GOLPH3: variants seen among roughly 807,000 people sequenced by gnomAD.
GOLPH3 encodes the protein coat protein GPP34.
In GOLPH3, 14 loss-of-function variants were observed where a neutral mutation model predicts 28.5. The observed-to-expected ratio is 0.49, with a 90% CI of 0.32 to 0.77. The LOEUF is 0.77. Ranked by LOEUF, GOLPH3 falls within the 30% of genes least tolerant of loss-of-function variation. The pLI, the probability that GOLPH3 is intolerant of heterozygous loss-of-function variation, is 0.03. For missense variants in GOLPH3, 350 were observed against 393.7 expected (o/e 0.89, Z 0.94); for synonymous variants, 158 against 159.2 (o/e 0.99, Z 0.06).
chr5:32,153,850 A>G (rs1746361849), intron 1 of GOLPH3, among the ~76,000 whole-genome samples: 1 of 152,210 alleles, frequency 6.6e-6, no homozygotes. Context: ...AGTAACACTG[A>G]GTACACCCAG....
intron 1 of GOLPH3, among the ~76,000 whole-genome samples, chr5:32,149,659 A>G (rs1746261879): frequency 6.6e-6 from 1 of 152,246 alleles, no homozygotes; most frequent in African/African-American, 2.4e-5. Flanking sequence ...AGCAGATTAA[A>G]AAGACTAGAC....
In GOLPH3 at chr5:32,126,136, C is replaced by T; in HGVS notation, c.*76G>A. On this transcript the variant is annotated 3_prime_UTR_variant, in exon 4 of 4. Transcript: ENST00000265070. The stretch of plus-strand genomic sequence containing the variant: ...TTATAGTGTGGGAAAGTACAAATTA[C>T]AGAAAACCAGAAGTCAACAGAAGAA... The T allele has an allele frequency of 1.4e-6, 2 of 1,426,286 alleles. No homozygotes were observed. Among genetic ancestry groups the T allele is most frequent in the Admixed American group, 2.2e-5 (1 of 45,342 alleles). The allele number at this position is 1,426,286 out of a possible 1,614,324, so 88.4% of individuals were successfully genotyped here. A position where few individuals can be genotyped will look rare whatever the true frequency, so the allele number is the denominator to read the frequency against.
At chr5:32,146,114 A>AC (rs1746176214) in intron 1 of GOLPH3, among the ~76,000 whole-genome samples, 1 of 151,860 alleles carries the variant, frequency 6.6e-6, no homozygotes, top group Admixed American at 6.6e-5. Flanking sequence ...ACATGGTGAA[A>AC]CCCCATCTCT....
intron 1 of GOLPH3, among the ~76,000 whole-genome samples, chr5:32,148,264 A>G (rs996967390): frequency 1.2e-4 from 18 of 152,338 alleles, no homozygotes; most frequent in African/African-American, 4.1e-4. Context: ...TTACAACTCA[A>G]GTTTTACTAA....
At chr5:32,128,873 A>AG (rs1327547789) in intron 3 of GOLPH3, among the ~76,000 whole-genome samples, 8 of 151,728 alleles carry the variant, frequency 5.3e-5, no homozygotes, top group African/African-American at 1.9e-4. Flanking sequence ...GTAAGGGGGG[A>AG]GTCAACAGAA....
In GOLPH3 at chr5:32,162,035, AAAAT is replaced by A. The variant is rs376424011; in HGVS notation, c.225+11771_225+11774del. Among the ~76,000 whole-genome samples the A allele has an allele frequency of 7.3e-3, 1,100 of 151,294 alleles. 12 individuals carry two copies. The highest frequency in any genetic ancestry group is 0.031 in the South Asian group (149 of 4,826). The stretch of plus-strand genomic sequence containing the variant: ...GAGCGAGACTCCGTCTCAAAAAAGA[AAAAT>A]AAATAAATAAAAAATAAAAAAATAA... On this transcript the variant is annotated intron_variant, in intron 1 of 3. Coordinates refer to ENST00000265070, the MANE Select transcript of GOLPH3 (RefSeq NM_022130.4).
intron 3 of GOLPH3, among the ~76,000 whole-genome samples, chr5:32,132,363 C>A (rs986327639): frequency 6.6e-6 from 1 of 152,248 alleles, no homozygotes. Flanking sequence ...CTTGGCTTCA[C>A]GGCAAGGAAT....
intron 1 of GOLPH3, among the ~76,000 whole-genome samples, chr5:32,163,304 A>G (rs564552551): frequency 7.2e-5 from 11 of 152,326 alleles, no homozygotes; most frequent in African/African-American, 2.6e-4. Context: ...CAGGCAGGAT[A>G]AAGTTAATAA....
At chr5:32,173,663 T>G (rs1746901111) in intron 1 of GOLPH3, 147 bp downstream of exon 1, 2 of 471,922 alleles carry the variant, frequency 4.2e-6, no homozygotes, top group African/African-American at 4.1e-5. Context: ...CCGCTCGGCG[T>G]CAGCTGGGCG....
chr5:32,146,926 A>C (rs1040141830), intron 1 of GOLPH3, among the ~76,000 whole-genome samples: 6 of 152,142 alleles, frequency 3.9e-5, no homozygotes, highest in Middle Eastern at 3.4e-3. Context: ...AAAAAAAAAA[A>C]CCTCATGTTT....
chr5:32,130,678 T>C (rs1483833597), intron 3 of GOLPH3, among the ~76,000 whole-genome samples: 1 of 152,180 alleles, frequency 6.6e-6, no homozygotes. Flanking sequence ...AACTTCTCTT[T>C]GCAGCTTTCC....
In GOLPH3 at chr5:32,125,304, AT is replaced by A. The variant is rs1745652751; in HGVS notation, c.*907del. 1 of 152,652 alleles carries A rather than the reference AT, an allele frequency of 6.6e-6. No individual in the cohort carries two copies. Among genetic ancestry groups the A allele is most frequent in the African/African-American group, 2.4e-5 (1 of 41,454 alleles). 9.5% of individuals were successfully genotyped at this position (152,652 alleles called of 1,614,324 possible). A position where few individuals can be genotyped will look rare whatever the true frequency, so the allele number is the denominator to read the frequency against. On this transcript the variant is annotated 3_prime_UTR_variant, in exon 4 of 4. Coordinates refer to ENST00000265070, the MANE Select transcript of GOLPH3 (RefSeq NM_022130.4). ...GAAATTATAAAAACAGTAAGATAAA[AT>A]TTAAAAAAAATCTAACAAGGGGATG...
intron 2 of GOLPH3, among the ~76,000 whole-genome samples, chr5:32,141,453 G>A (rs161528): frequency 0.033 from 5,034 of 152,238 alleles, 288 homozygotes; most frequent in African/African-American, 0.12. Flanking sequence ...CAACAGACAG[G>A]TATCTGAAAA....
chr5:32,137,999 G>T (rs1262542858), intron 2 of GOLPH3, among the ~76,000 whole-genome samples: 2 of 151,514 alleles, frequency 1.3e-5, no homozygotes, highest in East Asian at 3.9e-4. Context: ...CGCCTCCAGG[G>T]TTCAAGCAAT....
At chr5:32,143,033 G>A in intron 2 of GOLPH3, among the ~76,000 whole-genome samples, 1 of 152,208 alleles carries the variant, frequency 6.6e-6, no homozygotes. Flanking sequence ...GGAAAAGATT[G>A]AGAAATCGGA....
chr5:32,131,501 T>C (rs1016187608), intron 3 of GOLPH3, among the ~76,000 whole-genome samples: 1 of 152,244 alleles, frequency 6.6e-6, no homozygotes, highest in East Asian at 1.9e-4. Context: ...GAATACTTTT[T>C]AAATACTTTG....
chr5:32,150,941 T>C (rs562025968), intron 1 of GOLPH3, among the ~76,000 whole-genome samples: 17 of 152,304 alleles, frequency 1.1e-4, no homozygotes, highest in African/African-American at 3.6e-4. Flanking sequence ...AAAAACATAA[T>C]TGGATCAATT....
At chr5:32,147,608 T>G (rs1451272929) in intron 1 of GOLPH3, among the ~76,000 whole-genome samples, 1 of 152,148 alleles carries the variant, frequency 6.6e-6, no homozygotes, top group Non-Finnish European at 1.5e-5. Context: ...ATCTTTATTT[T>G]CTTTAGGCTT....
At chr5:32,136,077 AG>A (rs1745926004) in intron 2 of GOLPH3, among the ~76,000 whole-genome samples, 1 of 152,148 alleles carries the variant, frequency 6.6e-6, no homozygotes, top group Admixed American at 6.6e-5. Context: ...CGGGTAGCTG[AG>A]GTGGGAGAAT....
Sources: allele counts gnomAD v4.1 joint callset (sites outside exome capture counted in the v4.1 genomes callset), GRCh38; gene constraint gnomAD v4.1.1; transcripts MANE v1.5; gene names NCBI Gene and HGNC (gene_info 2026-07-23, HGNC 2026-07-21).